TRIQK: variants seen among roughly 807,000 people sequenced by gnomAD.
The protein encoded by TRIQK is triple QxxK/R motif-containing protein.
In TRIQK, 10 loss-of-function variants were observed where a neutral mutation model predicts 10.8. The observed-to-expected ratio is 0.92, with a 90% CI of 0.57 to 1.57. The LOEUF (loss-of-function observed/expected upper bound fraction) is 1.57. Among genes scored for constraint, TRIQK ranks in the 40% most tolerant of loss-of-function variants. The pLI, the probability that TRIQK is intolerant of heterozygous loss-of-function variation, is 0.00. For missense variants in TRIQK, 107 were observed against 97.7 expected (o/e 1.09, Z -0.40); for synonymous variants, 33 against 33.7 (o/e 0.98, Z 0.07).
At chr8:93,009,812 A>G (rs1335411696) in intron 1 of TRIQK, among the ~76,000 whole-genome samples, 1 of 152,180 alleles carries the variant, frequency 6.6e-6, no homozygotes, top group Non-Finnish European at 1.5e-5. Flanking sequence ...TCAGCATGTC[A>G]AATAGATATC....
Position 92,982,059 on chromosome 8 carries a change from T to G in TRIQK, c.-180-27495A>C, listed in dbSNP as rs990886235. The stretch of plus-strand genomic sequence containing the variant: ...TATGAACAATTCAATAAAGCCTTAT[T>G]TTCGAGATATCTAAAAATAAGTTTA... On this transcript the variant is annotated intron_variant, in intron 1 of 4. Transcript: ENST00000520686. Among the ~76,000 whole-genome samples, 4 of 151,852 alleles carry G rather than the reference T, an allele frequency of 2.6e-5. No homozygotes were observed. The South Asian group carries it at 8.3e-4, about 31-fold the overall frequency.
intron 4 of TRIQK, among the ~76,000 whole-genome samples, 174 bp downstream of exon 4, chr8:92,891,815 T>A (rs973964196): frequency 1.3e-5 from 2 of 151,948 alleles, no homozygotes; most frequent in Non-Finnish European, 2.9e-5. Flanking sequence ...AATCTCAGAA[T>A]AGGAAGGATG....
intron 2 of TRIQK, among the ~76,000 whole-genome samples, chr8:92,949,141 T>C (rs1418069688): frequency 6.6e-6 from 1 of 152,242 alleles, no homozygotes; most frequent in African/African-American, 2.4e-5. Context: ...GAGCCTATTC[T>C]GGCCTGGGAG....
rs67063066 is a variant in TRIQK, at chr8:92,898,833, G to GTATATATATATATA, written c.62-6773_62-6760dup. ...GCAGGTACATAATAGGTGTGTGTGT[G>GTATATATATATATA]TATATATATATATATATATATATAT... On this transcript the variant is annotated intron_variant, in intron 3 of 4. Coordinates refer to ENST00000521988, the MANE Select transcript of TRIQK (RefSeq NM_001171797.2). Among the ~76,000 whole-genome samples the GTATATATATATATA allele has an allele frequency of 7.8e-3, 579 of 73,856 alleles. 18 individuals carry two copies. The highest frequency in any genetic ancestry group is 9.4e-3 in the Non-Finnish European group (377 of 39,918). The allele number at this position is 73,856 out of a possible 152,430, so 48.5% of individuals were successfully genotyped here. A position where few individuals can be genotyped will look rare whatever the true frequency, so the allele number is the denominator to read the frequency against.
intron 1 of TRIQK, chr8:92,973,515 AC>A (rs1812897460): frequency 1.3e-5 from 2 of 152,218 alleles, no homozygotes; most frequent in African/African-American, 4.8e-5. Flanking sequence ...ATTTTTTTAA[AC>A]AACGGGCCAC....
At chr8:92,971,398 A>C (rs776671440) in intron 1 of TRIQK, among the ~76,000 whole-genome samples, 20 of 152,140 alleles carry the variant, frequency 1.3e-4, no homozygotes, top group Admixed American at 9.8e-4. Context: ...AGAAAACCCC[A>C]TTGTCTCAGC....
At chr8:92,961,190 T>G (rs1464414454) in intron 1 of TRIQK, among the ~76,000 whole-genome samples, 1 of 152,204 alleles carries the variant, frequency 6.6e-6, no homozygotes, top group Non-Finnish European at 1.5e-5. Context: ...TTTCAAATGT[T>G]AATTTATCCA....
intron 3 of TRIQK, among the ~76,000 whole-genome samples, chr8:92,910,789 T>C (rs1468481644): frequency 6.6e-6 from 1 of 151,150 alleles, no homozygotes; most frequent in Non-Finnish European, 1.5e-5. Flanking sequence ...ATATACCAAT[T>C]TACAAATGCT....
chr8:92,934,906 T>C (rs1253348471), intron 2 of TRIQK, among the ~76,000 whole-genome samples: 2 of 151,838 alleles, frequency 1.3e-5, no homozygotes, highest in East Asian at 1.9e-4. Flanking sequence ...AACTCTACTA[T>C]GTAGAAACAA....
At chr8:92,977,312 G>A (rs970704844) in intron 1 of TRIQK, among the ~76,000 whole-genome samples, 1 of 151,766 alleles carries the variant, frequency 6.6e-6, no homozygotes, top group Admixed American at 6.6e-5. Flanking sequence ...TACTTTAAAG[G>A]GACTTCAAAT....
At chr8:92,893,044 T>G (rs1816840690) in intron 3 of TRIQK, among the ~76,000 whole-genome samples, 1 of 152,000 alleles carries the variant, frequency 6.6e-6, no homozygotes, top group Admixed American at 6.6e-5. Flanking sequence ...TTCCCCTTCC[T>G]TTCGATGACC....
At chr8:92,988,623 A>G (rs1341407001) in intron 1 of TRIQK, among the ~76,000 whole-genome samples, 1 of 152,176 alleles carries the variant, frequency 6.6e-6, no homozygotes, top group African/African-American at 2.4e-5. Context: ...CTTAACCCTC[A>G]ACATGTACTT....
intron 2 of TRIQK, among the ~76,000 whole-genome samples, chr8:92,942,839 T>C (rs1811337505): frequency 6.6e-6 from 1 of 151,908 alleles, no homozygotes. Context: ...GGACTAAAGG[T>C]GCCTGCCACC....
intron 1 of TRIQK, among the ~76,000 whole-genome samples, chr8:92,981,877 A>T (rs1006631327): frequency 6.6e-6 from 1 of 151,846 alleles, no homozygotes; most frequent in Non-Finnish European, 1.5e-5. Flanking sequence ...TGTATATTTT[A>T]AAAATATTTT....
chr8:92,940,076 C>T (rs537348493), intron 2 of TRIQK, among the ~76,000 whole-genome samples: 12 of 152,280 alleles, frequency 7.9e-5, no homozygotes, highest in African/African-American at 2.9e-4. Flanking sequence ...CAGAGAGTAG[C>T]ATTATCTGAC....
chr8:92,890,735 A>G (rs1258978121), intron 4 of TRIQK, among the ~76,000 whole-genome samples: 3 of 151,910 alleles, frequency 2.0e-5, no homozygotes, highest in African/African-American at 7.2e-5. Context: ...CAAACAAACT[A>G]ATTAAAACAA....
chr8:93,010,312 T>A (rs1813319315), intron 1 of TRIQK, among the ~76,000 whole-genome samples: 1 of 152,126 alleles, frequency 6.6e-6, no homozygotes, highest in East Asian at 1.9e-4. Context: ...ATGTATATGC[T>A]AATTACCATG....
At chr8:92,976,834 A>G (rs1812935755) in intron 1 of TRIQK, among the ~76,000 whole-genome samples, 1 of 151,960 alleles carries the variant, frequency 6.6e-6, no homozygotes, top group African/African-American at 2.4e-5. Context: ...ATAGCTGTTT[A>G]ACTTACCACC....
intron 1 of TRIQK, chr8:92,973,348 G>A (rs536989349): frequency 5.6e-4 from 85 of 152,270 alleles, no homozygotes; most frequent in African/African-American, 2.0e-3. Context: ...GTGAACAGTA[G>A]CAATCACACT....
Sources: gnomAD v4.1 joint callset for allele counts (sites outside exome capture counted in the v4.1 genomes callset) on GRCh38, gnomAD v4.1.1 for gene constraint, MANE v1.5 for transcripts, NCBI Gene and HGNC (gene_info 2026-07-23, HGNC 2026-07-21) for gene names.